The following CSMD1 variants were observed in gnomAD, a reference collection of about 807,000 sequenced individuals.
CSMD1 encodes CUB and sushi domain-containing protein 1.
Under a neutral mutation model 417.5 loss-of-function variants are expected in CSMD1, and 213 were observed. That is an observed-to-expected ratio of 0.51 (90% CI 0.46 to 0.57). CSMD1 has a LOEUF of 0.57. CSMD1 is among the 20% of genes least tolerant of loss of function. The pLI is 0.00. For synonymous variants in CSMD1, 2,862 were observed against 1,736.8 expected (o/e 1.65, Z -16.11); for missense variants, 6,923 against 4,529.7 (o/e 1.53, Z -15.17).
chr8:4,169,017 C>T (rs905514226), intron 3 of CSMD1, among the ~76,000 whole-genome samples: 1 of 152,140 alleles, frequency 6.6e-6, no homozygotes, highest in East Asian at 1.9e-4. Context: ...CTTACTCTTA[C>T]TCTGTTCCAG....
Position 3,453,243 on chromosome 8 carries a change from G to C in CSMD1, c.1561+15469C>G, listed in dbSNP as rs563441800. Among the ~76,000 whole-genome samples the C allele has an allele frequency of 2.7e-3, 407 of 151,800 alleles. 1 individual carries two copies. Among genetic ancestry groups the C allele is most frequent in the African/African-American group, 8.7e-3 (359 of 41,412 alleles). ...GTCTTGCTAGCAGTCTATCAATTTT[G>C]TTGATCTTTTCAAAAAACCAGCTCC... On this transcript the variant is annotated intron_variant, in intron 12 of 69. Transcript: ENST00000635120.
intron 2 of CSMD1, among the ~76,000 whole-genome samples, chr8:4,477,247 G>C (rs6995921): frequency 0.43 from 65,458 of 152,096 alleles, 15,600 homozygotes; most frequent in Non-Finnish European, 0.53. Flanking sequence ...CCTAGGGCTA[G>C]AGCCACTGCA....
intron 49 of CSMD1, among the ~76,000 whole-genome samples, chr8:3,068,840 G>C (rs143386199): frequency 0.011 from 1,710 of 152,240 alleles, 13 homozygotes; most frequent in Middle Eastern, 0.02. Flanking sequence ...CAGCATTGGG[G>C]ATTACAATTC....
chr8:3,092,733 A>C (rs887187024), intron 47 of CSMD1, among the ~76,000 whole-genome samples: 11 of 152,158 alleles, frequency 7.2e-5, no homozygotes, highest in African/African-American at 2.7e-4. Flanking sequence ...CATCACCATA[A>C]CCCAAAACCA....
chr8:4,680,975 T>TGTGTGTGTGTGTGTGAGA (rs767579851), intron 1 of CSMD1, among the ~76,000 whole-genome samples: 4 of 136,776 alleles, frequency 2.9e-5, no homozygotes, highest in South Asian at 2.5e-4. Context: ...TGTGTGTGTG[T>TGTGTGTGTGTGTGTGAGA]GAGAGAGAGA....
intron 5 of CSMD1, among the ~76,000 whole-genome samples, chr8:3,758,648 T>C (rs942466108): frequency 1.4e-4 from 22 of 152,170 alleles, no homozygotes; most frequent in African/African-American, 5.3e-4. Flanking sequence ...CTCTAACAAC[T>C]TGGTGTTTCA....
chr8:3,371,370 C>G (rs1017960588), intron 18 of CSMD1, among the ~76,000 whole-genome samples: 1 of 152,058 alleles, frequency 6.6e-6, no homozygotes, highest in African/African-American at 2.4e-5. Flanking sequence ...TTCCTGCTTG[C>G]TGAAGAATGA....
chr8:4,201,816 C>A (rs935000390), intron 3 of CSMD1, among the ~76,000 whole-genome samples: 1 of 147,508 alleles, frequency 6.8e-6, no homozygotes, highest in South Asian at 2.1e-4. Context: ...TGTTCAAATT[C>A]TTCAGTGCTC....
intron 5 of CSMD1, among the ~76,000 whole-genome samples, chr8:3,812,422 T>C (rs80090254): frequency 0.017 from 2,577 of 152,214 alleles, 74 homozygotes; most frequent in African/African-American, 0.058. Context: ...ACCTAGATAT[T>C]AATTAAAGTG....
chr8:3,724,473 AT>A (rs1802375015), intron 6 of CSMD1, among the ~76,000 whole-genome samples: 1 of 152,164 alleles, frequency 6.6e-6, no homozygotes, highest in South Asian at 2.1e-4. Flanking sequence ...TATATTAAGT[AT>A]TGGTAGCTAT....
At chr8:4,340,007 G>A (rs1214671468) in intron 3 of CSMD1, among the ~76,000 whole-genome samples, 1 of 152,094 alleles carries the variant, frequency 6.6e-6, no homozygotes, top group Non-Finnish European at 1.5e-5. Context: ...CTGGACAACA[G>A]AACCAGGCAC....
At chr8:2,998,602 G>A (rs79021363) in intron 53 of CSMD1, among the ~76,000 whole-genome samples, 3,156 of 152,214 alleles carry the variant, frequency 0.021, 30 homozygotes, top group African/African-American at 0.026. Context: ...GACAGTATGG[G>A]ATTTGTCTGA....
intron 2 of CSMD1, among the ~76,000 whole-genome samples, chr8:4,512,514 G>A (rs1367556943): frequency 6.6e-6 from 1 of 152,082 alleles, no homozygotes; most frequent in Non-Finnish European, 1.5e-5. Flanking sequence ...TGACACAACT[G>A]TCTATGTATA....
intron 3 of CSMD1, among the ~76,000 whole-genome samples, chr8:4,371,989 C>A (rs1367319): frequency 6.6e-6 from 1 of 152,064 alleles, no homozygotes; most frequent in Non-Finnish European, 1.5e-5. Flanking sequence ...AATGTTATGA[C>A]TGAAGACATA....
At chr8:4,350,012 T>C (rs540115537) in intron 3 of CSMD1, among the ~76,000 whole-genome samples, 1 of 152,252 alleles carries the variant, frequency 6.6e-6, no homozygotes, top group African/African-American at 2.4e-5. Flanking sequence ...AGCCCTGGAA[T>C]CTTGTCTTTT....
intron 26 of CSMD1, among the ~76,000 whole-genome samples, chr8:3,266,154 C>A (rs1354955775): frequency 6.6e-6 from 1 of 151,004 alleles, no homozygotes; most frequent in Non-Finnish European, 1.5e-5. Context: ...CTGAGACCAA[C>A]CCTCCAGGAC....
intron 2 of CSMD1, among the ~76,000 whole-genome samples, chr8:4,525,176 T>G (rs1353484457): frequency 6.6e-6 from 1 of 152,122 alleles, no homozygotes; most frequent in Non-Finnish European, 1.5e-5. Context: ...GCTCCCACCT[T>G]CCCTCTATGC....
intron 1 of CSMD1, among the ~76,000 whole-genome samples, chr8:4,863,681 A>G (rs772866011): frequency 6.6e-6 from 1 of 152,098 alleles, no homozygotes; most frequent in African/African-American, 2.4e-5. Flanking sequence ...AAATGTGTGC[A>G]TATCTTAGAT....
intron 3 of CSMD1, among the ~76,000 whole-genome samples, chr8:4,412,026 C>A (rs543797631): frequency 1.3e-5 from 2 of 148,602 alleles, no homozygotes; most frequent in African/African-American, 4.9e-5. Context: ...GTAGCCAGGG[C>A]AAATGATTAG....
Sources: allele counts gnomAD v4.1 joint callset (sites outside exome capture counted in the v4.1 genomes callset), GRCh38; gene constraint gnomAD v4.1.1; transcripts MANE v1.5; gene names NCBI Gene and HGNC (gene_info 2026-07-23, HGNC 2026-07-21).